CFH: variants seen among roughly 807,000 people sequenced by gnomAD.
CFH encodes complement factor H, also known as H factor 1 (complement).
Under a neutral mutation model 147.3 loss-of-function variants are expected in CFH, and 53 were observed. The observed-to-expected ratio is 0.36, with a 90% confidence interval of 0.29 to 0.45. The LOEUF is 0.45. Among genes scored for constraint, CFH ranks in the 20% least tolerant of loss-of-function variants. The pLI is 1.00. For missense variants in CFH, 1,380 were observed against 1,498.0 expected, an observed-to-expected ratio of 0.92 and a Z score of 1.30; for synonymous variants, 536 against 489.4, an observed-to-expected ratio of 1.10 and a Z score of -1.26.
At chr1:196,692,758 C>CTCTTTCCCTTCCTTTCTT (rs1668090738) in intron 9 of CFH, among the ~76,000 whole-genome samples, 1,143 of 20,252 alleles carry the variant, frequency 0.056, 9 homozygotes, top group South Asian at 0.1. Flanking sequence ...TTCTTTCTTT[C>CTCTTTCCCTTCCTTTCTT]TTTCTTTCTT....
chr1:196,687,063 T>C (rs555492784), intron 7 of CFH, among the ~76,000 whole-genome samples: 296 of 152,194 alleles, frequency 1.9e-3, no homozygotes, highest in African/African-American at 6.8e-3. Flanking sequence ...GAGACTCTTA[T>C]GTGCTAAGCT....
chr1:196,728,478 C>A lies in CFH; in HGVS notation c.2369C>A (p.Thr790Lys). 6.2e-7 allele frequency: 1 copy of A among 1,612,932 alleles called. No individual in the cohort carries two copies. Among genetic ancestry groups the A allele is most frequent in the Non-Finnish European group, 8.5e-7 (1 of 1,179,190 alleles). ...RCRGKEGWIH[T>K]VCINGRWDPE... ...AGAGGAAAAGAAGGATGGATACACA[C>A]AGTCTGCATAAATGGAAGATGGGAT... The change falls in exon 15 of 22, where the codon ACA (threonine) becomes AAA (lysine). Residue 790 changes from threonine (T) to lysine (K), a missense_variant. Physicochemically the swap from Thr to Lys is moderately conservative, Grantham distance 78. This residue lies in a region of CFH where 830 missense variants were observed against 821.4 expected (regional missense o/e 1.01). Transcript: ENST00000367429.
chr1:196,668,172 T>G (rs1217430350), intron 1 of CFH, among the ~76,000 whole-genome samples: 1 of 152,146 alleles, frequency 6.6e-6, no homozygotes, highest in African/African-American at 2.4e-5. Context: ...TTCCTTTTTG[T>G]ACTTCTTTGC....
rs140177778 is a variant in CFH, at chr1:196,732,274, G to A, written c.2413+3752G>A. On this transcript the variant is annotated intron_variant, in intron 15 of 21. Transcript: ENST00000367429. ...CTTCTCCTTCATCTAGTCTGCTGAT[G>A]AATACCTCTTTAAAACTTTTCCGTT... 8.7e-3 allele frequency among the ~76,000 whole-genome samples: 1,326 copies of A among 151,906 alleles called. 17 individuals carry two copies. The highest frequency in any genetic ancestry group is 0.061 in the Middle Eastern group (18 of 294).
chr1:196,694,161 G>A (rs568167159), intron 9 of CFH, among the ~76,000 whole-genome samples: 11 of 151,556 alleles, frequency 7.3e-5, no homozygotes, highest in South Asian at 2.1e-4. Context: ...CCCTTTCCCC[G>A]CACACCCCAA....
At chr1:196,743,330 A>T (rs2149116444) in intron 19 of CFH, 122 bp from the exon 20 acceptor site, 1 of 1,403,248 alleles carries the variant, frequency 7.1e-7, no homozygotes, top group Non-Finnish European at 9.8e-7. Context: ...AAATCAACAA[A>T]ATATTTGATG....
At chr1:196,673,723 C>T (rs966612997) in intron 2 of CFH, 134 bp from the exon 3 acceptor site, 1 of 692,216 alleles carries the variant, frequency 1.4e-6, no homozygotes, top group Non-Finnish European at 2.6e-6. Context: ...GAAATAATGG[C>T]TTTGCTATGT....
intron 9 of CFH, among the ~76,000 whole-genome samples, chr1:196,694,898 A>G (rs1021026979): frequency 4.6e-5 from 7 of 152,126 alleles, no homozygotes; most frequent in African/African-American, 1.7e-4. Flanking sequence ...TAGATTCTTG[A>G]TATTAGACCT....
At position 196,733,055 on chromosome 1, in the gene CFH, G is replaced by A. The variant is rs929160317; in HGVS notation, c.2414-3769G>A. Among the ~76,000 whole-genome samples the A allele has an allele frequency of 7.9e-5, 12 of 151,984 alleles. No homozygotes were observed. The South Asian group carries it at 1.0e-3, about 13-fold the overall frequency. On this transcript the variant is annotated intron_variant, in intron 15 of 21. Coordinates refer to ENST00000367429, the MANE Select transcript of CFH (RefSeq NM_000186.4). ...CCCAGTGTGAGTTTGTTAAGGAGAC[G>A]ATCTCTTGAGTTGGAGCTATAGAAG...
rs988208806 is a variant in CFH at position 196,712,737 on chromosome 1, C to G, written c.1337-998C>G. On this transcript the variant is annotated intron_variant, in intron 9 of 21. Transcript: ENST00000367429. Reference sequence around the variant, plus strand: ...CCCATTAACTCGTCATTTAGCATTACGTATATCTCCTAATGCTATCCCTCC... The same window carrying G: ...CCCATTAACTCGTCATTTAGCATTAGGTATATCTCCTAATGCTATCCCTCC... Among the ~76,000 whole-genome samples, 8 of 149,326 alleles carry G rather than the reference C, an allele frequency of 5.4e-5. No homozygotes were observed. In the South Asian group the frequency reaches 6.5e-4, roughly 12 times the overall value.
intron 14 of CFH, among the ~76,000 whole-genome samples, chr1:196,727,989 C>G (rs1399446829): frequency 6.6e-6 from 1 of 152,144 alleles, no homozygotes; most frequent in Admixed American, 6.6e-5. Context: ...CCCTCATTCA[C>G]TTTTCTCTAA....
At chr1:196,734,082 G>A (rs765604363) in intron 15 of CFH, among the ~76,000 whole-genome samples, 2 of 151,998 alleles carry the variant, frequency 1.3e-5, no homozygotes, top group South Asian at 2.1e-4. Flanking sequence ...CCAAAACACA[G>A]GATGCTTTAT....
At chr1:196,655,204 A>G (rs1184714208) in intron 1 of CFH, among the ~76,000 whole-genome samples, 1 of 152,112 alleles carries the variant, frequency 6.6e-6, no homozygotes, top group Admixed American at 6.5e-5. Context: ...GAGGGTAGAA[A>G]TGGATGTTGA....
intron 15 of CFH, among the ~76,000 whole-genome samples, chr1:196,736,003 G>A (rs556159737): frequency 1.3e-4 from 20 of 152,076 alleles, no homozygotes; most frequent in African/African-American, 4.1e-4. Flanking sequence ...GGAAAATCAA[G>A]GGATTATAGA....
chr1:196,727,754 G>A (rs908992089), intron 14 of CFH, among the ~76,000 whole-genome samples: 2 of 152,102 alleles, frequency 1.3e-5, no homozygotes, highest in Non-Finnish European at 2.9e-5. Context: ...TGAATGTGCT[G>A]CAGGGTTGGT....
intron 15 of CFH, among the ~76,000 whole-genome samples, chr1:196,736,549 A>T (rs946017511): frequency 3.3e-5 from 5 of 152,002 alleles, no homozygotes; most frequent in Admixed American, 2.0e-4. Flanking sequence ...ATGCAAATTT[A>T]TTAAACAAAG....
intron 1 of CFH, among the ~76,000 whole-genome samples, chr1:196,657,854 A>G (rs1666757344): frequency 6.6e-6 from 1 of 152,174 alleles, no homozygotes; most frequent in African/African-American, 2.4e-5. Context: ...GACCAACTTT[A>G]GTCTACCAAA....
chr1:196,741,636 C>T, intron 18 of CFH: 1 of 491,550 alleles, frequency 2.0e-6, no homozygotes, highest in Non-Finnish European at 3.6e-6. Context: ...ATCTCAATTG[C>T]TACGGCTACC....
At chr1:196,688,859 T>C (rs1667921110) in intron 7 of CFH, among the ~76,000 whole-genome samples, 1 of 152,008 alleles carries the variant, frequency 6.6e-6, no homozygotes, top group Non-Finnish European at 1.5e-5. Context: ...GATCTGCCTG[T>C]CTCAGCCTTC....
Sources: allele counts gnomAD v4.1 joint callset (sites outside exome capture counted in the v4.1 genomes callset), GRCh38; gene constraint gnomAD v4.1.1; regional missense constraint gnomAD v4.1.1; transcripts MANE v1.5; gene names NCBI Gene and HGNC (gene_info 2026-07-23, HGNC 2026-07-21).